MAPK6: variants seen among roughly 807,000 people sequenced by gnomAD.
MAPK6 encodes the protein ERK-3.
MAPK6 carries 19 observed loss-of-function variants against 59.3 expected under a neutral mutation model. The observed-to-expected ratio is 0.32, with a 90% CI of 0.22 to 0.47. The LOEUF (loss-of-function observed/expected upper bound fraction) is 0.47. Ranked by LOEUF, MAPK6 falls within the 20% of genes least tolerant of loss-of-function variation. MAPK6 has a pLI of 1.00. For synonymous variants in MAPK6, 316 were observed against 290.3 expected, an observed-to-expected ratio of 1.09 and a Z score of -0.90; for missense variants, 724 against 847.9, an observed-to-expected ratio of 0.85 and a Z score of 1.81.
chr15:52,047,542 C>G (rs2031632283), intron 2 of MAPK6, among the ~76,000 whole-genome samples: 1 of 152,034 alleles, frequency 6.6e-6, no homozygotes, highest in Non-Finnish European at 1.5e-5. Flanking sequence ...GACAGGGTTT[C>G]ACCGTGTTGG....
At chr15:51,987,661 C>T (rs2057194932) in intron 2 of MAPK6, among the ~76,000 whole-genome samples, 1 of 151,910 alleles carries the variant, frequency 6.6e-6, no homozygotes, top group Non-Finnish European at 1.5e-5. Context: ...CAACCCAGTA[C>T]CCTCCAGTCC....
At chr15:52,027,448 C>T (rs1455699769) in intron 1 of MAPK6, among the ~76,000 whole-genome samples, 1 of 146,680 alleles carries the variant, frequency 6.8e-6, no homozygotes, top group African/African-American at 2.5e-5. Context: ...TTATAGCCCT[C>T]TGTAATTGAG....
At chr15:52,037,489 C>G (rs2031281648) in intron 1 of MAPK6, among the ~76,000 whole-genome samples, 1 of 152,162 alleles carries the variant, frequency 6.6e-6, no homozygotes, top group African/African-American at 2.4e-5. Context: ...GCTGATAGGA[C>G]TTTTTAGAGT....
chr15:52,019,614 G>C (rs187215270), intron 1 of MAPK6, among the ~76,000 whole-genome samples: 8,160 of 146,134 alleles, frequency 0.056, 438 homozygotes, highest in African/African-American at 0.13. Flanking sequence ...CCGCGCGGGC[G>C]GGCGGGCGGC....
intron 1 of MAPK6, chr15:52,021,438 TTC>T (rs924520331): frequency 1.1e-4 from 16 of 151,684 alleles, no homozygotes; most frequent in Non-Finnish European, 2.2e-4. Flanking sequence ...CACATTGAAA[TTC>T]TCTCTCATTT....
intron 1 of MAPK6, among the ~76,000 whole-genome samples, chr15:52,042,380 T>A (rs2031450635): frequency 1.3e-5 from 2 of 152,258 alleles, no homozygotes; most frequent in African/African-American, 4.8e-5. Context: ...CACATAGTGA[T>A]GACTCTGCAG....
chr15:52,064,462 C>A lies in MAPK6; in HGVS notation c.1628C>A (p.Pro543His). ...GTIQLSSQHE[P>H]TDVVDKLNDL... The stretch of plus-strand genomic sequence containing the variant: ...ATTCAGCTTAGTTCCCAGCATGAGC[C>A]TACTGATGTTGTTGATAAATTAAAT... The change falls in exon 6 of 6, where the codon CCT becomes CAT. Residue 543 changes from proline (P) to histidine (H), a missense_variant. Pro to His is a moderately conservative substitution (Grantham distance 77). Around this residue, in one of 4 missense-constraint regions of MAPK6, gnomAD observed 502 missense variants for 507.6 expected, o/e 0.99. Transcript: ENST00000261845. 1 of 1,609,202 alleles carries A rather than the reference C, an allele frequency of 6.2e-7. No homozygotes were observed. Among genetic ancestry groups the A allele is most frequent in the Non-Finnish European group, 8.5e-7 (1 of 1,178,358 alleles).
rs58936667 is a variant in MAPK6, at chr15:52,065,392, A to G, written c.*392A>G. ...TTCCTAAGACATTTTTCATTCATGAATATTTTCAAGTTTTTCATACTGTAC... is the reference window on the plus strand; with the variant it reads ...TTCCTAAGACATTTTTCATTCATGAGTATTTTCAAGTTTTTCATACTGTAC... On this transcript the variant is annotated 3_prime_UTR_variant, in exon 6 of 6. Coordinates refer to ENST00000261845, the MANE Select transcript of MAPK6 (RefSeq NM_002748.4). 0.074 allele frequency: 11,663 copies of G among 158,138 alleles called. 947 individuals carry two copies. Among genetic ancestry groups the G allele is most frequent in the African/African-American group, 0.2 (8,193 of 41,486 alleles). 9.8% of individuals were successfully genotyped at this position (158,138 alleles called of 1,614,324 possible). A position where few individuals can be genotyped will look rare whatever the true frequency, so the allele number is the denominator to read the frequency against.
intron 2 of MAPK6, among the ~76,000 whole-genome samples, chr15:52,049,708 G>A (rs1014776161): frequency 1.3e-5 from 2 of 149,668 alleles, no homozygotes; most frequent in Non-Finnish European, 3.0e-5. Flanking sequence ...TCTACCTCCC[G>A]GGTTCGAGCG....
chr15:51,987,568 G>A (rs1268669452), intron 2 of MAPK6, among the ~76,000 whole-genome samples: 2 of 151,932 alleles, frequency 1.3e-5, no homozygotes, highest in African/African-American at 2.4e-5. Flanking sequence ...ACAGTGAGCT[G>A]AGACTGCACC....
At chr15:51,987,179 T>G (rs552372214) in intron 2 of MAPK6, among the ~76,000 whole-genome samples, 1 of 152,300 alleles carries the variant, frequency 6.6e-6, no homozygotes, top group Non-Finnish European at 1.5e-5. Flanking sequence ...CTGAAATGTT[T>G]TAAGAAAAGT....
chr15:52,001,612 G>A (rs567079121), intron 2 of MAPK6, among the ~76,000 whole-genome samples: 123 of 149,558 alleles, frequency 8.2e-4, no homozygotes, highest in Non-Finnish European at 1.3e-3. Flanking sequence ...GGGTTCAAGC[G>A]ATTCTCCTGC....
chr15:52,060,243 A>G (rs572869411), intron 4 of MAPK6, among the ~76,000 whole-genome samples: 12 of 152,292 alleles, frequency 7.9e-5, no homozygotes, highest in Non-Finnish European at 1.6e-4. Context: ...GTGTCTTAAA[A>G]TTATCTTTCT....
intron 2 of MAPK6, among the ~76,000 whole-genome samples, chr15:51,986,579 G>T (rs1462871032): frequency 6.6e-6 from 1 of 152,062 alleles, no homozygotes; most frequent in African/African-American, 2.4e-5. Flanking sequence ...AAAAGACATC[G>T]TTGTATTCAA....
chr15:51,981,706 G>A (rs147046017), intron 1 of MAPK6, among the ~76,000 whole-genome samples: 42 of 152,252 alleles, frequency 2.8e-4, no homozygotes, highest in African/African-American at 1.0e-3. Context: ...AAAGACCTTT[G>A]CAGCAGGCAG....
chr15:52,009,978 G>A (rs2030007425), intron 3 of MAPK6, among the ~76,000 whole-genome samples: 1 of 151,972 alleles, frequency 6.6e-6, no homozygotes, highest in Non-Finnish European at 1.5e-5. Flanking sequence ...TCACCATCTT[G>A]GCCAGGCTGG....
intron 1 of MAPK6, among the ~76,000 whole-genome samples, chr15:52,039,704 CAG>C (rs780517693): frequency 1.6e-4 from 24 of 151,598 alleles, no homozygotes; most frequent in South Asian, 6.3e-4. Context: ...TTAGTAGAGA[CAG>C]GGGTTTTACC....
chr15:52,058,651 A>G lies in MAPK6; in HGVS notation c.719A>G (p.Gln240Arg). Residue 240 changes from glutamine (Q) to arginine (R), a missense_variant, in exon 4 of 6, where the codon CAG (glutamine) becomes CGG (arginine). By Grantham distance (43) the Gln-to-Arg change is conservative. Around this residue, in one of 4 missense-constraint regions of MAPK6, gnomAD observed 105 missense variants for 191.9 expected, o/e 0.55. Transcript: ENST00000261845. The stretch of plus-strand genomic sequence containing the variant: ...ACCTCAGGTGCACATGAACTTGAAC[A>G]GATGCAGCTGATTTTAGAATCTATT... ...TLFAGAHELE[Q>R]MQLILESIPV... 6.2e-7 allele frequency: 1 copy of G among 1,609,266 alleles called. No individual in the cohort carries two copies. The highest frequency in any genetic ancestry group is 2.2e-5 in the East Asian group (1 of 44,720).
At position 52,019,229 on chromosome 15, in the gene MAPK6, C is replaced by G. The variant is rs1371561086; in HGVS notation, c.-779C>G. 1.3e-5 allele frequency: 2 copies of G among 152,146 alleles called. No homozygotes were observed. Among genetic ancestry groups the G allele is most frequent in the South Asian group, 2.1e-4 (1 of 4,836 alleles). 9.4% of individuals were successfully genotyped at this position (152,146 alleles called of 1,614,324 possible). A position where few individuals can be genotyped will look rare whatever the true frequency, so the allele number is the denominator to read the frequency against. ...GAAGCCCCGCCCCCTCTTCCTCGCC[C>G]TCTCTCGCGGGTCGGGGTTACATGG... On this transcript the variant is annotated 5_prime_UTR_variant, in exon 1 of 6. Coordinates refer to ENST00000261845, the MANE Select transcript of MAPK6 (RefSeq NM_002748.4).
Sources: gnomAD v4.1 joint callset for allele counts (sites outside exome capture counted in the v4.1 genomes callset) on GRCh38, gnomAD v4.1.1 for gene constraint, gnomAD v4.1.1 regional missense constraint, MANE v1.5 for transcripts, NCBI Gene and HGNC (gene_info 2026-07-23, HGNC 2026-07-21) for gene names.